The following LRFN2 variants were observed in gnomAD, a reference collection of about 807,000 sequenced individuals.
LRFN2 encodes the protein leucine-rich repeat and fibronectin type-III domain-containing protein 2.
LRFN2 carries 18 observed loss-of-function variants against 37.3 expected under a neutral mutation model. The ratio of observed to expected loss-of-function variants is 0.48; its 90% CI spans 0.33 to 0.72. The LOEUF is 0.72. Among genes scored for constraint, LRFN2 ranks in the 30% least tolerant of loss-of-function variants. LRFN2 has a pLI of 0.02. For synonymous variants in LRFN2, 556 were observed against 466.6 expected, an observed-to-expected ratio of 1.19 and a Z score of -2.47; for missense variants, 1,006 against 1,060.7, an observed-to-expected ratio of 0.95 and a Z score of 0.72.
chr6:40,462,160 T>C (rs1764360942), intron 1 of LRFN2, among the ~76,000 whole-genome samples: 1 of 152,140 alleles, frequency 6.6e-6, no homozygotes, highest in South Asian at 2.1e-4. Flanking sequence ...CATTTGCCAA[T>C]GAAAAGAAAA....
intron 1 of LRFN2, among the ~76,000 whole-genome samples, chr6:40,517,122 C>T (rs1765901467): frequency 6.6e-6 from 1 of 152,184 alleles, no homozygotes. Flanking sequence ...GATGAGGTAA[C>T]TGGCTTCACT....
intron 1 of LRFN2, among the ~76,000 whole-genome samples, chr6:40,440,712 G>A (rs1464501473): frequency 6.6e-6 from 1 of 152,104 alleles, no homozygotes; most frequent in African/African-American, 2.4e-5. Context: ...CACCTCCTGG[G>A]TGGGATAACT....
intron 1 of LRFN2, among the ~76,000 whole-genome samples, chr6:40,544,697 C>T (rs566507683): frequency 6.6e-6 from 1 of 152,328 alleles, no homozygotes; most frequent in East Asian, 1.9e-4. Context: ...CCGCTTTAAG[C>T]CTGCCAGTAT....
At chr6:40,529,228 C>A (rs571298991) in intron 1 of LRFN2, among the ~76,000 whole-genome samples, 2 of 152,122 alleles carry the variant, frequency 1.3e-5, no homozygotes, top group Non-Finnish European at 2.9e-5. Context: ...GGTCAGCCAG[C>A]GCTTCAAAGG....
Position 40,538,998 on chromosome 6 carries a change from G to T in LRFN2, c.-19+47943C>A, listed in dbSNP as rs74794011. The stretch of plus-strand genomic sequence containing the variant: ...GTTCTGGTCTTTTCACACCCTCATG[G>T]GTGGAAGTCTGGGCTGTGTCCAGGT... On this transcript the variant is annotated intron_variant, in intron 1 of 2. Transcript: ENST00000338305. 4.0e-3 allele frequency among the ~76,000 whole-genome samples: 609 copies of T among 152,228 alleles called. 4 individuals are homozygous for T. Among genetic ancestry groups the T allele is most frequent in the African/African-American group, 0.014 (588 of 41,538 alleles).
Position 40,425,205 on chromosome 6 carries a change from G to T in LRFN2, c.1400+6509C>A, listed in dbSNP as rs539760544. On this transcript the variant is annotated intron_variant, in intron 2 of 2. Coordinates refer to ENST00000338305, the MANE Select transcript of LRFN2 (RefSeq NM_020737.3). ...CAGATAGGGCGCGACAGGGGCTGGGGTGGCTGTCATCTCTCCATCTTCAGG... is the reference window on the plus strand; with the variant it reads ...CAGATAGGGCGCGACAGGGGCTGGGTTGGCTGTCATCTCTCCATCTTCAGG... Among the ~76,000 whole-genome samples, 44 of 152,310 alleles carry T rather than the reference G, an allele frequency of 2.9e-4. No individual in the cohort carries two copies. In the South Asian group the frequency reaches 8.9e-3, roughly 31 times the overall value.
intron 1 of LRFN2, among the ~76,000 whole-genome samples, chr6:40,511,596 G>A (rs962326244): frequency 9.9e-5 from 15 of 152,172 alleles, no homozygotes; most frequent in African/African-American, 3.6e-4. Flanking sequence ...CTGTCTGGGA[G>A]ACATTATGGC....
At chr6:40,556,005 T>C (rs1244530924) in intron 1 of LRFN2, among the ~76,000 whole-genome samples, 2 of 152,242 alleles carry the variant, frequency 1.3e-5, no homozygotes, top group Admixed American at 6.5e-5. Flanking sequence ...TCAACAATAA[T>C]GATACAGGGA....
intron 2 of LRFN2, among the ~76,000 whole-genome samples, chr6:40,393,282 G>C (rs1270368923): frequency 6.6e-6 from 1 of 152,050 alleles, no homozygotes; most frequent in Non-Finnish European, 1.5e-5. Context: ...CAGAGATGGA[G>C]CATCAGGGAG....
chr6:40,570,468 G>T (rs1257969630), intron 1 of LRFN2, among the ~76,000 whole-genome samples: 2 of 152,172 alleles, frequency 1.3e-5, no homozygotes, highest in African/African-American at 4.8e-5. Context: ...GCACTGAGTT[G>T]TGCAGCCAGA....
At chr6:40,483,269 T>A (rs1416715133) in intron 1 of LRFN2, among the ~76,000 whole-genome samples, 1 of 152,238 alleles carries the variant, frequency 6.6e-6, no homozygotes, top group African/African-American at 2.4e-5. Context: ...TTCATTTCCA[T>A]CCTCCCTTCT....
Position 40,392,626 on chromosome 6 carries a change from C to G in LRFN2, c.1687G>C (p.Glu563Gln), listed in dbSNP as rs1426720665. The G allele has an allele frequency of 6.2e-7, 1 of 1,611,212 alleles. No individual in the cohort carries two copies. The highest frequency in any genetic ancestry group is 8.5e-7 in the Non-Finnish European group (1 of 1,179,988). Residue 563 changes from glutamate (E) to glutamine (Q), a missense_variant, in exon 3 of 3, where the codon GAG becomes CAG. By Grantham distance (29) the Glu-to-Gln change is conservative (BLOSUM62 2). Transcript: ENST00000338305. The surrounding 1 kb of genome is among the most constrained non-coding windows in gnomAD (Gnocchi z 4.7). ...GCCGCTGCCATCTTGCTGGGGGCCTCGTGGTTGCAGACCTTGTAGCGCACC... is the reference window on the plus strand; with the variant it reads ...GCCGCTGCCATCTTGCTGGGGGCCTGGTGGTTGCAGACCTTGTAGCGCACC... ...LMVRYKVCNH[E>Q]APSKMAAAVS...
At chr6:40,464,432 AG>A (rs1350277063) in intron 1 of LRFN2, among the ~76,000 whole-genome samples, 1 of 152,192 alleles carries the variant, frequency 6.6e-6, no homozygotes, top group African/African-American at 2.4e-5. Flanking sequence ...TCCTGATAAA[AG>A]AATTAGTTGT....
chr6:40,433,216 A>G, intron 1 of LRFN2, 85 bp from the exon 2 acceptor site: 1 of 1,192,848 alleles, frequency 8.4e-7, no homozygotes, highest in South Asian at 1.7e-5. Flanking sequence ...ATTAACCCTC[A>G]CTGCCTTAGG....
chr6:40,484,088 C>T (rs1339444348), intron 1 of LRFN2, among the ~76,000 whole-genome samples: 2 of 152,204 alleles, frequency 1.3e-5, no homozygotes, highest in Admixed American at 6.5e-5. Flanking sequence ...CCCATGCCAG[C>T]TCCAGAGGGC....
chr6:40,568,944 G>T (rs182149710), intron 1 of LRFN2, among the ~76,000 whole-genome samples: 1 of 152,066 alleles, frequency 6.6e-6, no homozygotes, highest in African/African-American at 2.4e-5. Context: ...ACTAAGACAC[G>T]CAGAGATCAG....
At chr6:40,466,987 G>A (rs761337259) in intron 1 of LRFN2, among the ~76,000 whole-genome samples, 7 of 152,076 alleles carry the variant, frequency 4.6e-5, no homozygotes, top group East Asian at 1.9e-4. Context: ...GGGAGAAGAC[G>A]GCCACCTACA....
rs1348298404 is a variant in LRFN2 at position 40,418,696 on chromosome 6, GA to G, written c.1400+13017del. Among the ~76,000 whole-genome samples the G allele has an allele frequency of 9.9e-5, 15 of 152,278 alleles. No homozygotes were observed. The East Asian group carries it at 2.9e-3, about 29-fold the overall frequency. The stretch of plus-strand genomic sequence containing the variant: ...AAGCTCCCCTGCCTCCAAGCTGTGA[GA>G]CCTTGCAAGTCACGCCACCTCCCTA... On this transcript the variant is annotated intron_variant, in intron 2 of 2. Transcript: ENST00000338305.
intron 1 of LRFN2, among the ~76,000 whole-genome samples, chr6:40,494,820 A>G (rs996109737): frequency 6.6e-6 from 1 of 152,096 alleles, no homozygotes; most frequent in African/African-American, 2.4e-5. Flanking sequence ...GAGAGCCCCA[A>G]TCCATTCATC....
Sources: gnomAD v4.1 joint callset for allele counts (sites outside exome capture counted in the v4.1 genomes callset) on GRCh38, gnomAD v4.1.1 for gene constraint, Gnocchi (gnomAD v3.1) non-coding constraint, MANE v1.5 for transcripts, NCBI Gene and HGNC (gene_info 2026-07-23, HGNC 2026-07-21) for gene names.